The following HS3ST3A1 variants were observed in gnomAD, a reference collection of about 807,000 sequenced individuals.
The protein encoded by HS3ST3A1 is heparan sulfate-glucosamine 3-sulfotransferase 3A1.
In HS3ST3A1, 19 loss-of-function variants were observed where a neutral mutation model predicts 25.7. That is an observed-to-expected ratio of 0.74 (90% CI 0.52 to 1.08). The LOEUF (loss-of-function observed/expected upper bound fraction) is 1.08, where lower values mean the gene tolerates loss of function less well. Ranked by LOEUF, HS3ST3A1 falls within the 50% of genes least tolerant of loss-of-function variation. HS3ST3A1 has a pLI of 0.00. For missense variants in HS3ST3A1, 459 were observed against 594.3 expected (o/e 0.77, Z 2.37); for synonymous variants, 226 against 278.6 (o/e 0.81, Z 1.88).
At chr17:13,506,043 A>AG (rs1905660970) in intron 1 of HS3ST3A1, among the ~76,000 whole-genome samples, 1 of 151,168 alleles carries the variant, frequency 6.6e-6, no homozygotes, top group South Asian at 2.1e-4. Context: ...AAAAAAAAAA[A>AG]AAATTGGATT....
At chr17:13,584,931 C>T (rs1294765055) in intron 1 of HS3ST3A1, among the ~76,000 whole-genome samples, 3 of 152,130 alleles carry the variant, frequency 2.0e-5, no homozygotes, top group Non-Finnish European at 4.4e-5. Context: ...TCACCCCATG[C>T]CATGTGGCTT....
intron 1 of HS3ST3A1, among the ~76,000 whole-genome samples, chr17:13,591,663 T>TC (rs1282157662): frequency 6.5e-5 from 4 of 61,580 alleles, no homozygotes; most frequent in South Asian, 4.2e-4. Context: ...TTCTTCTTCT[T>TC]TTTTTTTTTT....
At chr17:13,514,692 C>T (rs1398831768) in intron 1 of HS3ST3A1, among the ~76,000 whole-genome samples, 2 of 152,058 alleles carry the variant, frequency 1.3e-5, no homozygotes, top group African/African-American at 4.8e-5. Context: ...ATAGGTATGG[C>T]GTTTCCTTTT....
intron 1 of HS3ST3A1, among the ~76,000 whole-genome samples, chr17:13,557,870 G>C (rs1427459052): frequency 6.6e-6 from 1 of 152,188 alleles, no homozygotes; most frequent in Non-Finnish European, 1.5e-5. Context: ...AATGTTCATC[G>C]TTAACAAAAT....
chr17:13,503,552 T>C (rs986398705), intron 1 of HS3ST3A1, among the ~76,000 whole-genome samples: 3 of 152,228 alleles, frequency 2.0e-5, no homozygotes, highest in African/African-American at 7.2e-5. Context: ...TAAGTATGTA[T>C]AATTATTAGG....
Position 13,549,283 on chromosome 17 carries a change from C to T in HS3ST3A1, c.599+51248G>A, listed in dbSNP as rs536374504. ...CCACCAACCCACTGGAAAGAAGAAA[C>T]TGCAGACACATCTGAACATCCGAAG... On this transcript the variant is annotated intron_variant, in intron 1 of 1. Transcript: ENST00000284110. 5.3e-5 allele frequency among the ~76,000 whole-genome samples: 8 copies of T among 152,292 alleles called. No homozygotes were observed. In the East Asian group the frequency reaches 1.4e-3, roughly 26 times the overall value.
At chr17:13,504,601 A>G (rs1470503267) in intron 1 of HS3ST3A1, among the ~76,000 whole-genome samples, 2 of 152,160 alleles carry the variant, frequency 1.3e-5, no homozygotes, top group East Asian at 1.9e-4. Context: ...GCTGTGTCCC[A>G]TGATTTGTGT....
chr17:13,562,260 A>T (rs946854650), intron 1 of HS3ST3A1, among the ~76,000 whole-genome samples: 2 of 152,032 alleles, frequency 1.3e-5, no homozygotes, highest in Admixed American at 6.6e-5. Context: ...ATGCCAGGAG[A>T]TGAGTCAGAC....
At chr17:13,510,281 T>G (rs932102719) in intron 1 of HS3ST3A1, among the ~76,000 whole-genome samples, 10 of 152,272 alleles carry the variant, frequency 6.6e-5, no homozygotes, top group African/African-American at 2.4e-4. Flanking sequence ...AGGCAGCTGC[T>G]TCGGAACAGA....
intron 1 of HS3ST3A1, among the ~76,000 whole-genome samples, chr17:13,498,065 C>T (rs1905338793): frequency 1.3e-5 from 2 of 152,182 alleles, no homozygotes; most frequent in East Asian, 1.9e-4. Context: ...ACCTCACATC[C>T]AGCTTCAAAA....
intron 1 of HS3ST3A1, among the ~76,000 whole-genome samples, chr17:13,502,180 G>C (rs1188634550): frequency 1.3e-5 from 2 of 152,144 alleles, no homozygotes; most frequent in Non-Finnish European, 2.9e-5. Flanking sequence ...GGTGCAGGAA[G>C]TGTTATGGTC....
At chr17:13,557,455 T>TAAC (rs59906516) in intron 1 of HS3ST3A1, among the ~76,000 whole-genome samples, 6,657 of 151,542 alleles carry the variant, frequency 0.044, 186 homozygotes, top group African/African-American at 0.069. Flanking sequence ...AGAAGATTTG[T>TAAC]AACAACAACA....
At chr17:13,512,778 T>C (rs1271048326) in intron 1 of HS3ST3A1, among the ~76,000 whole-genome samples, 1 of 152,190 alleles carries the variant, frequency 6.6e-6, no homozygotes, top group Non-Finnish European at 1.5e-5. Context: ...TAAATTGTAC[T>C]GCGTAAGTAT....
chr17:13,527,972 A>T (rs983523169), intron 1 of HS3ST3A1, among the ~76,000 whole-genome samples: 9 of 152,100 alleles, frequency 5.9e-5, no homozygotes, highest in African/African-American at 2.2e-4. Flanking sequence ...TTTTTTTTAC[A>T]GCTATCAACA....
At chr17:13,565,300 G>A (rs910765545) in intron 1 of HS3ST3A1, among the ~76,000 whole-genome samples, 2 of 152,164 alleles carry the variant, frequency 1.3e-5, no homozygotes, top group Non-Finnish European at 2.9e-5. Context: ...CACCTTGGGA[G>A]GCCAAGGCAG....
At chr17:13,590,419 G>A (rs1567631720) in intron 1 of HS3ST3A1, among the ~76,000 whole-genome samples, 1 of 151,590 alleles carries the variant, frequency 6.6e-6, no homozygotes, top group Admixed American at 6.6e-5. Flanking sequence ...ACTTACATTT[G>A]TGGAGATGGG....
At chr17:13,555,832 T>A (rs989082633) in intron 1 of HS3ST3A1, 1 of 152,138 alleles carries the variant, frequency 6.6e-6, no homozygotes, top group African/African-American at 2.4e-5. Context: ...GTTAAATGTG[T>A]CTGAGAGTAT....
chr17:13,546,890 ATG>A (rs1381097988), intron 1 of HS3ST3A1, among the ~76,000 whole-genome samples: 2 of 151,884 alleles, frequency 1.3e-5, no homozygotes, highest in Non-Finnish European at 2.9e-5. Flanking sequence ...GCTGAGAAAA[ATG>A]TGTTTAATCT....
chr17:13,542,943 AC>A (rs1211984149), intron 1 of HS3ST3A1, among the ~76,000 whole-genome samples: 2 of 152,152 alleles, frequency 1.3e-5, no homozygotes, highest in African/African-American at 4.8e-5. Flanking sequence ...CTCTACAAGA[AC>A]CCAAGACTGG....
Sources: allele counts gnomAD v4.1 joint callset (sites outside exome capture counted in the v4.1 genomes callset), GRCh38; gene constraint gnomAD v4.1.1; transcripts MANE v1.5; gene names NCBI Gene and HGNC (gene_info 2026-07-23, HGNC 2026-07-21).